Variants in TMEM132A observed in about 807,000 individuals in gnomAD.
TMEM132A encodes the protein GRP78-binding protein.
TMEM132A carries 48 observed loss-of-function variants against 69.9 expected under a neutral mutation model. The observed-to-expected ratio is 0.69, with a 90% CI of 0.55 to 0.87. The LOEUF is 0.87. TMEM132A is among the 40% of genes least tolerant of loss of function. TMEM132A has a pLI of 0.00. For missense variants in TMEM132A, 1,287 were observed against 1,407.2 expected (o/e 0.91, Z 1.37); for synonymous variants, 577 against 613.7 (o/e 0.94, Z 0.88).
In TMEM132A at chr11:60,933,735, C is replaced by A; in HGVS notation, c.1550C>A (p.Pro517His). ...EQVRGWRVPG[P>H]AEGPAEPAAE... is the part of the protein sequence containing the mutation. Reference sequence around the variant, plus strand: ...GTCCGCGGCTGGAGGGTACCTGGCCCTGCTGAAGGGTGAGTGGAGGCCTGA... The same window carrying A: ...GTCCGCGGCTGGAGGGTACCTGGCCATGCTGAAGGGTGAGTGGAGGCCTGA... Residue 517 changes from proline to histidine, a missense_variant, in exon 8 of 11, where the codon CCT (proline) becomes CAT (histidine). Pro to His is a moderately conservative substitution (Grantham distance 77, BLOSUM62 -2). Transcript: ENST00000453848. The A allele has an allele frequency of 6.3e-7, 1 of 1,576,648 alleles. No individual in the cohort carries two copies. The highest frequency in any genetic ancestry group is 1.3e-5 in the African/African-American group (1 of 74,292).
chr11:60,933,452 G>T, intron 7 of TMEM132A, 90 bp from the exon 8 acceptor site: 1 of 1,103,988 alleles, frequency 9.1e-7, no homozygotes, highest in Non-Finnish European at 1.3e-6. Flanking sequence ...TCAGAGTGCT[G>T]GGACTACAGG....
intron 8 of TMEM132A, chr11:60,934,211 C>T (rs1444882131): frequency 2.5e-5 from 10 of 394,700 alleles, no homozygotes; most frequent in Non-Finnish European, 2.2e-5. Flanking sequence ...AGAGAGTGAG[C>T]GCCCCCAGGG....
chr11:60,934,164 T>C, intron 8 of TMEM132A: 1 of 371,442 alleles, frequency 2.7e-6, no homozygotes. Context: ...CAGGGAGAGG[T>C]GGCCCACGCC....
At position 60,936,891 on chromosome 11, in the gene TMEM132A, TC is replaced by T; in HGVS notation, c.3058del (p.Arg1020GlyfsTer80). On this transcript the variant is annotated frameshift_variant, in exon 11 of 11. Transcript: ENST00000453848. LOFTEE classifies it high-confidence loss of function. ...PEELRNYMER[I>X]RGSS Reference sequence around the variant, plus strand: ...GAGCTTCGCAACTACATGGAGAGGATCCGGGGCAGCTCCTGACCCTCCACAG... The same window carrying T: ...GAGCTTCGCAACTACATGGAGAGGATCGGGGCAGCTCCTGACCCTCCACAG... 6.4e-7 allele frequency: 1 copy of T among 1,554,194 alleles called. No individual in the cohort carries two copies. The highest frequency in any genetic ancestry group is 8.7e-7 in the Non-Finnish European group (1 of 1,149,790).
intron 4 of TMEM132A, among the ~76,000 whole-genome samples, chr11:60,929,349 G>A (rs552771281): frequency 7.2e-5 from 11 of 152,324 alleles, no homozygotes; most frequent in Admixed American, 3.3e-4. Flanking sequence ...CCCCAATCAC[G>A]TTCACCTACA....
In TMEM132A at chr11:60,924,521, G is replaced by A; in HGVS notation, c.-113G>A. The A allele has an allele frequency of 1.4e-6, 1 of 692,904 alleles. No homozygotes were observed. The highest frequency in any genetic ancestry group is 1.9e-5 in the African/African-American group (1 of 52,814). 42.9% of individuals were successfully genotyped at this position (692,904 alleles called of 1,614,324 possible). A position where few individuals can be genotyped will look rare whatever the true frequency, so the allele number is the denominator to read the frequency against. On this transcript the variant is annotated 5_prime_UTR_variant, in exon 1 of 11. Coordinates refer to ENST00000453848, the MANE Select transcript of TMEM132A (RefSeq NM_178031.3). ...GGGGCGGGCGGCGGCGGCGGCGGCGGCGGCCGGGACCCAGCGGGCCAGGTG... is the reference window on the plus strand; with the variant it reads ...GGGGCGGGCGGCGGCGGCGGCGGCGACGGCCGGGACCCAGCGGGCCAGGTG...
chr11:60,931,767 C>T lies in TMEM132A; in HGVS notation c.1095C>T (p.Arg365=). 2 of 1,614,194 alleles carry T rather than the reference C, an allele frequency of 1.2e-6. No homozygotes were observed. Among genetic ancestry groups the T allele is most frequent in the African/African-American group, 2.7e-5 (2 of 75,040 alleles). ...CTGGTGGGGGCGTAGCGGTCACTCG[C>T]CCCGTCACGTGGCAGCTGGAGTACC... ...NSTGGGVAVT[R]PVTWQLEYPG... Residue 365 remains arginine (R), a synonymous_variant, in exon 6 of 11, where the codon CGC becomes CGT. Coordinates refer to ENST00000453848, the MANE Select transcript of TMEM132A (RefSeq NM_178031.3).
rs1856602785 is a variant in TMEM132A, at chr11:60,936,399, G to A, written c.2564G>A (p.Gly855Glu). The change falls in exon 11 of 11, where the codon GGA becomes GAA. Residue 855 changes from glycine to glutamate, a missense_variant. Gly to Glu is a moderately conservative substitution (Grantham distance 98). Coordinates refer to ENST00000453848, the MANE Select transcript of TMEM132A (RefSeq NM_178031.3). ...ELELGMYALL[G>E]VFCVAIFIFL... is the part of the protein sequence containing the mutation. ...GAGCTGGGCATGTACGCCCTGCTGG[G>A]AGTCTTCTGCGTGGCCATCTTCATC... The A allele has an allele frequency of 6.2e-7, 1 of 1,614,080 alleles. No homozygotes were observed. The highest frequency in any genetic ancestry group is 1.3e-5 in the African/African-American group (1 of 74,918).
chr11:60,928,853 C>T lies in TMEM132A; in HGVS notation c.759C>T (p.Asp253=), dbSNP rs144698752. 5.1e-5 allele frequency: 83 copies of T among 1,612,734 alleles called. No homozygotes were observed. The highest frequency in any genetic ancestry group is 2.2e-4 in the South Asian group (20 of 91,076). The change falls in exon 4 of 11, where the codon GAC becomes GAT. Residue 253 remains aspartate (D), a synonymous_variant. Coordinates refer to ENST00000453848, the MANE Select transcript of TMEM132A (RefSeq NM_178031.3). Reference sequence around the variant, plus strand: ...CGCAGTACCAGGAGGTACCTCTGGACGAGGCTGTGACTCTGCGGGTGCCTG... The same window carrying T: ...CGCAGTACCAGGAGGTACCTCTGGATGAGGCTGTGACTCTGCGGGTGCCTG... ...DPPQYQEVPL[D]EAVTLRVPDM... is the part of the protein sequence containing the mutation.
chr11:60,933,968 T>A lies in TMEM132A; in HGVS notation c.1559+224T>A, dbSNP rs1171028407. 7.0e-6 allele frequency: 4 copies of A among 573,048 alleles called. No homozygotes were observed. In the Admixed American group the frequency reaches 1.2e-4, roughly 18 times the overall value. The allele number at this position is 573,048 out of a possible 1,614,324, so 35.5% of individuals were successfully genotyped here. On this transcript the variant is annotated intron_variant, in intron 8 of 10. Coordinates refer to ENST00000453848, the MANE Select transcript of TMEM132A (RefSeq NM_178031.3). Reference sequence around the variant, plus strand: ...CTCCTTCCCTGCCTCACTTCTCCCGTAGCACCCTCCACTTCCTAATCTACG... The same window carrying A: ...CTCCTTCCCTGCCTCACTTCTCCCGAAGCACCCTCCACTTCCTAATCTACG...
At chr11:60,927,943 A>G in intron 3 of TMEM132A, 84 bp downstream of exon 3, 2 of 1,234,584 alleles carry the variant, frequency 1.6e-6, no homozygotes, top group Non-Finnish European at 2.2e-6. Flanking sequence ...GGAAACCCCC[A>G]CTCCTGGGAA....
In TMEM132A at chr11:60,928,829, G is replaced by T. The variant is rs140767642; in HGVS notation, c.735G>T (p.Pro245=). 6.2e-7 allele frequency: 1 copy of T among 1,612,348 alleles called. No homozygotes were observed. Among genetic ancestry groups the T allele is most frequent in the Non-Finnish European group, 8.5e-7 (1 of 1,179,878 alleles). The change falls in exon 4 of 11, where the codon CCG becomes CCT. Residue 245 remains proline, a synonymous_variant. Coordinates refer to ENST00000453848, the MANE Select transcript of TMEM132A (RefSeq NM_178031.3). ...TGGAGCTGCGCCCAGCAGACCCCCC[G>T]CAGTACCAGGAGGTACCTCTGGACG... ...GGVELRPADP[P]QYQEVPLDEA...
At position 60,935,583 on chromosome 11, in the gene TMEM132A, C is replaced by G; in HGVS notation, c.2028+140C>G. 2.1e-6 allele frequency: 2 copies of G among 949,554 alleles called. No individual in the cohort carries two copies. The highest frequency in any genetic ancestry group is 1.5e-6 in the Non-Finnish European group (1 of 645,588). The allele number at this position is 949,554 out of a possible 1,614,324, so 58.8% of individuals were successfully genotyped here. On this transcript the variant is annotated intron_variant, in intron 10 of 10. Transcript: ENST00000453848. This position sits in a 1 kb window ranked among gnomAD's most constrained non-coding sequence, Gnocchi z 5.0. ...AGGACTGACTCTGTGAGGTAGTGAG[C>G]TCTCTGCAGCTGGAGGTGATCAAGC...
Position 60,937,147 on chromosome 11 carries a change from G to C in TMEM132A, c.*240G>C. The C allele has an allele frequency of 6.4e-7, 1 of 1,551,892 alleles. No homozygotes were observed. The highest frequency in any genetic ancestry group is 8.7e-7 in the Non-Finnish European group (1 of 1,148,748). On this transcript the variant is annotated 3_prime_UTR_variant, in exon 11 of 11. Transcript: ENST00000453848. ...ATTTCATTCTAACAGAATAAACCGA[G>C]AAGGAAACCAGAGCTGGGACTGCTG...
chr11:60,932,459 A>T lies in TMEM132A; in HGVS notation c.1356+332A>T, dbSNP rs186628336. The T allele has an allele frequency of 1.6e-3, 364 of 228,576 alleles. 1 individual carries two copies. The highest frequency in any genetic ancestry group is 2.4e-3 in the Non-Finnish European group (280 of 118,054). 14.2% of individuals were successfully genotyped at this position (228,576 alleles called of 1,614,324 possible). On this transcript the variant is annotated intron_variant, in intron 7 of 10. Transcript: ENST00000453848. ...TTTGTTGTCAACCAGCTTTGTGATC[A>T]TGGGCTGGTCTCTTAACCTCTCTGA...
rs749609120 is a variant in TMEM132A at position 60,930,505 on chromosome 11, C to T, written c.867-5C>T. 27 of 1,596,912 alleles carry T rather than the reference C, an allele frequency of 1.7e-5. No individual in the cohort carries two copies. Among genetic ancestry groups the T allele is most frequent in the Non-Finnish European group, 2.1e-5 (25 of 1,171,466 alleles). On this transcript the variant is annotated splice_polypyrimidine_tract_variant and splice_region_variant and intron_variant, in intron 4 of 10. Coordinates refer to ENST00000453848, the MANE Select transcript of TMEM132A (RefSeq NM_178031.3). ...GCCAAACTGAGCCTATACTCTCTTC[C>T]CCAGGATCAAGGTGAAGAAGGGGCT... is the stretch of plus-strand genomic sequence containing the variant.
At position 60,937,050 on chromosome 11, in the gene TMEM132A, C is replaced by T; in HGVS notation, c.*143C>T. ...TCCCCCACAAGGACTCCCATCCAGG[C>T]CCCCTCTGCCCTGCCCCTTGTCATG... On this transcript the variant is annotated 3_prime_UTR_variant, in exon 11 of 11. Transcript: ENST00000453848. 1 of 1,270,546 alleles carries T rather than the reference C, an allele frequency of 7.9e-7. No homozygotes were observed. The highest frequency in any genetic ancestry group is 1.1e-6 in the Non-Finnish European group (1 of 945,490). The allele number at this position is 1,270,546 out of a possible 1,614,324, so 78.7% of individuals were successfully genotyped here.
At position 60,936,014 on chromosome 11, in the gene TMEM132A, G is replaced by C. The variant is rs1292335591; in HGVS notation, c.2179G>C (p.Val727Leu). 3.7e-6 allele frequency: 6 copies of C among 1,607,258 alleles called. No homozygotes were observed. In the South Asian group the frequency reaches 6.6e-5, roughly 18 times the overall value. The change falls in exon 11 of 11, where the codon GTG (valine) becomes CTG (leucine). Residue 727 changes from valine to leucine, a missense_variant. Transcript: ENST00000453848. ...GGAGCAGGGTGCCCAGCTCGGGGTG[G>C]TGGTGAGTGGGGCAGGCGCCGAGGG... ...AEEQGAQLGV[V>L]VSGAGAEGLP...
rs1054619116 is a variant in TMEM132A, at chr11:60,934,633, C to T, written c.1705C>T (p.Leu569Phe). The T allele has an allele frequency of 3.8e-6, 6 of 1,592,036 alleles. No homozygotes were observed. Among genetic ancestry groups the T allele is most frequent in the Non-Finnish European group, 5.1e-6 (6 of 1,177,012 alleles). ...LDGGRRLTHL[L>F]GPDWLLDVSH... ...CGGCGGCCGCCGCCTCACGCACCTG[C>T]TTGGCCCCGACTGGCTGCTAGACGT... Residue 569 changes from leucine to phenylalanine, a missense_variant, in exon 9 of 11, where the codon CTT (leucine) becomes TTT (phenylalanine). Transcript: ENST00000453848.
Sources: gnomAD v4.1 joint callset for allele counts (sites outside exome capture counted in the v4.1 genomes callset) on GRCh38, gnomAD v4.1.1 for gene constraint, Gnocchi (gnomAD v3.1) non-coding constraint, MANE v1.5 for transcripts, NCBI Gene and HGNC (gene_info 2026-07-23, HGNC 2026-07-21) for gene names.